ST18: variants seen among roughly 807,000 people sequenced by gnomAD.
ST18 encodes suppression of tumorigenicity 18 protein.
In ST18, 50 loss-of-function variants were observed where a neutral mutation model predicts 110.0. The ratio of observed to expected loss-of-function variants is 0.45; its 90% CI spans 0.36 to 0.58. The LOEUF (loss-of-function observed/expected upper bound fraction) is 0.58. Ranked by LOEUF, ST18 falls within the 20% of genes least tolerant of loss-of-function variation. ST18 has a pLI of 0.00. For missense variants in ST18, 1,306 were observed against 1,280.1 expected (o/e 1.02, Z -0.31); for synonymous variants, 461 against 452.4 (o/e 1.02, Z -0.24).
At chr8:52,152,940 A>G (rs1483361930) in intron 15 of ST18, among the ~76,000 whole-genome samples, 2 of 152,230 alleles carry the variant, frequency 1.3e-5, no homozygotes, top group African/African-American at 4.8e-5. Context: ...CACTGACAGC[A>G]GAGAACAATG....
At chr8:52,177,051 T>C (rs2067211813) in intron 9 of ST18, among the ~76,000 whole-genome samples, 1 of 152,190 alleles carries the variant, frequency 6.6e-6, no homozygotes, top group African/African-American at 2.4e-5. Flanking sequence ...GACTGTGACA[T>C]ATTTCCCCAT....
intron 2 of ST18, among the ~76,000 whole-genome samples, chr8:52,381,984 C>CA (rs1834759427): frequency 3.0e-5 from 4 of 132,626 alleles, no homozygotes; most frequent in Non-Finnish European, 6.3e-5. Flanking sequence ...CAAAAAAAAA[C>CA]AAAAAAACAA....
chr8:52,179,156 A>G (rs555082834), intron 9 of ST18, among the ~76,000 whole-genome samples: 1 of 152,288 alleles, frequency 6.6e-6, no homozygotes, highest in Non-Finnish European at 1.5e-5. Context: ...TTCTAAGTCA[A>G]TTTTTAGATC....
chr8:52,363,768 T>C (rs1465273289), intron 2 of ST18, among the ~76,000 whole-genome samples: 1 of 152,172 alleles, frequency 6.6e-6, no homozygotes, highest in Middle Eastern at 3.2e-3. Context: ...ATATTGTTTC[T>C]CACTTCAATT....
chr8:52,372,171 A>T (rs1830494042), intron 2 of ST18, among the ~76,000 whole-genome samples: 2 of 152,108 alleles, frequency 1.3e-5, no homozygotes. Context: ...TAGGCCTAGG[A>T]TTTTGTGTGG....
chr8:52,313,780 C>A (rs1227443768), intron 2 of ST18, among the ~76,000 whole-genome samples: 1 of 152,118 alleles, frequency 6.6e-6, no homozygotes, highest in African/African-American at 2.4e-5. Context: ...TAGAAGGGAT[C>A]GTTGCTGCCC....
chr8:52,216,882 C>T (rs957607365), intron 6 of ST18, among the ~76,000 whole-genome samples: 7 of 152,112 alleles, frequency 4.6e-5, no homozygotes, highest in African/African-American at 7.2e-5. Context: ...AAGATTTCCA[C>T]GTCAGTGTGT....
chr8:52,281,433 AAAG>A (rs1195878390), intron 2 of ST18, among the ~76,000 whole-genome samples: 1 of 152,226 alleles, frequency 6.6e-6, no homozygotes, highest in Non-Finnish European at 1.5e-5. Flanking sequence ...ATGATCAAGG[AAAG>A]AAGAATAGTA....
intron 5 of ST18, among the ~76,000 whole-genome samples, chr8:52,219,929 C>T (rs1003298592): frequency 6.6e-6 from 1 of 152,080 alleles, no homozygotes; most frequent in Non-Finnish European, 1.5e-5. Context: ...GAATATAAAC[C>T]AAAGCCATGT....
At chr8:52,219,108 C>T (rs2085614644) in intron 5 of ST18, among the ~76,000 whole-genome samples, 1 of 152,070 alleles carries the variant, frequency 6.6e-6, no homozygotes, top group Non-Finnish European at 1.5e-5. Context: ...CATTGAGTGC[C>T]CTTTCTTTTG....
At chr8:52,187,883 A>T (rs1199770404) in intron 8 of ST18, among the ~76,000 whole-genome samples, 3 of 152,224 alleles carry the variant, frequency 2.0e-5, no homozygotes, top group African/African-American at 7.2e-5. Context: ...ACTTAAAATA[A>T]TGATTATTAA....
rs963489994 is a variant in ST18, at chr8:52,231,535, T to C, written c.-464-1458A>G. 1.6e-4 allele frequency among the ~76,000 whole-genome samples: 25 copies of C among 152,116 alleles called. 1 individual carries two copies. The highest frequency in any genetic ancestry group is 1.4e-3 in the Admixed American group (22 of 15,264). ...GCTCTGTCACCAGGCTGGAGTGCAG[T>C]GGCACGATCTTGGCTCACCACAACC... On this transcript the variant is annotated intron_variant, in intron 2 of 25. Transcript: ENST00000689386.
chr8:52,198,695 A>G (rs1212657982), intron 8 of ST18, among the ~76,000 whole-genome samples: 1 of 152,210 alleles, frequency 6.6e-6, no homozygotes, highest in Non-Finnish European at 1.5e-5. Flanking sequence ...GAGTGTGTAT[A>G]TGTATATATA....
intron 2 of ST18, among the ~76,000 whole-genome samples, chr8:52,267,063 G>T (rs549029910): frequency 3.1e-4 from 47 of 152,106 alleles, no homozygotes; most frequent in Non-Finnish European, 6.0e-4. Flanking sequence ...GGGTACCTGT[G>T]CTTGGAAAGG....
intron 2 of ST18, among the ~76,000 whole-genome samples, chr8:52,322,904 T>C (rs1245767056): frequency 6.6e-6 from 1 of 152,180 alleles, no homozygotes; most frequent in East Asian, 1.9e-4. Context: ...ACTTTGAAAA[T>C]ATTGCATCCA....
At chr8:52,176,467 G>A (rs2067000597) in intron 9 of ST18, among the ~76,000 whole-genome samples, 1 of 152,208 alleles carries the variant, frequency 6.6e-6, no homozygotes, top group Admixed American at 6.5e-5. Context: ...TCTAGGGTCA[G>A]CTCTTGGGAG....
intron 19 of ST18, among the ~76,000 whole-genome samples, chr8:52,134,418 T>C (rs10099104): frequency 3.2e-4 from 49 of 152,192 alleles, no homozygotes; most frequent in African/African-American, 1.2e-3. Flanking sequence ...AAACAAAAAC[T>C]AGAGGCCATC....
intron 2 of ST18, among the ~76,000 whole-genome samples, chr8:52,351,874 T>C (rs971469530): frequency 6.6e-6 from 1 of 152,170 alleles, no homozygotes; most frequent in African/African-American, 2.4e-5. Context: ...AGAAAAACAA[T>C]AACTTCATGT....
chr8:52,389,134 C>CGG (rs1338676641), intron 2 of ST18, among the ~76,000 whole-genome samples: 3 of 152,118 alleles, frequency 2.0e-5, no homozygotes, highest in Non-Finnish European at 4.4e-5. Context: ...AGGCGCTGCC[C>CGG]GGGGCTTGGC....
Sources: allele counts gnomAD v4.1 joint callset (sites outside exome capture counted in the v4.1 genomes callset), GRCh38; gene constraint gnomAD v4.1.1; transcripts MANE v1.5; gene names NCBI Gene and HGNC (gene_info 2026-07-23, HGNC 2026-07-21).